The following CLSTN2 variants were observed in gnomAD, a reference collection of about 807,000 sequenced individuals.
CLSTN2 encodes calsyntenin 2.
Under a neutral mutation model 101.2 loss-of-function variants are expected in CLSTN2, and 48 were observed. The ratio of observed to expected loss-of-function variants is 0.47; its 90% CI spans 0.38 to 0.60. The LOEUF is 0.60. Ranked by LOEUF, CLSTN2 falls within the 20% of genes least tolerant of loss-of-function variation. The pLI is 0.00. For synonymous variants in CLSTN2, 481 were observed against 463.6 expected (o/e 1.04, Z -0.48); for missense variants, 1,160 against 1,238.2 (o/e 0.94, Z 0.95).
At chr3:140,147,255 AC>A (rs1306480959) in intron 1 of CLSTN2, among the ~76,000 whole-genome samples, 1 of 152,202 alleles carries the variant, frequency 6.6e-6, no homozygotes, top group Non-Finnish European at 1.5e-5. Context: ...GACTGGAAGA[AC>A]CCCTGAGGTT....
intron 2 of CLSTN2, among the ~76,000 whole-genome samples, chr3:140,356,845 G>A (rs2087676817): frequency 6.6e-6 from 1 of 151,704 alleles, no homozygotes; most frequent in Admixed American, 6.6e-5. Flanking sequence ...ACAATGAAAA[G>A]GGGAAAGATA....
chr3:140,343,006 C>A (rs1446917946), intron 2 of CLSTN2, among the ~76,000 whole-genome samples: 3 of 152,160 alleles, frequency 2.0e-5, no homozygotes, highest in Non-Finnish European at 2.9e-5. Flanking sequence ...TGGTCACAAG[C>A]CCTCCCAGAC....
At chr3:140,448,045 TA>T (rs892797594) in intron 5 of CLSTN2, among the ~76,000 whole-genome samples, 1 of 151,966 alleles carries the variant, frequency 6.6e-6, no homozygotes, top group Non-Finnish European at 1.5e-5. Context: ...TTTGAGATAC[TA>T]AAAAAAAGGT....
intron 1 of CLSTN2, among the ~76,000 whole-genome samples, chr3:140,163,948 G>A (rs919032008): frequency 2.6e-5 from 4 of 151,982 alleles, no homozygotes; most frequent in Admixed American, 1.3e-4. Context: ...GAATTCCAAA[G>A]TAAGTTAAGG....
chr3:140,374,766 T>G (rs1290870483), intron 2 of CLSTN2, among the ~76,000 whole-genome samples: 1 of 152,244 alleles, frequency 6.6e-6, no homozygotes, highest in Non-Finnish European at 1.5e-5. Context: ...CTGAGCCTAC[T>G]GAGAGCTTCC....
chr3:140,230,583 T>A (rs865926364), intron 2 of CLSTN2, among the ~76,000 whole-genome samples: 4 of 152,192 alleles, frequency 2.6e-5, no homozygotes, highest in African/African-American at 9.6e-5. Flanking sequence ...ACTCCCATCC[T>A]TTCCACCTTG....
At chr3:139,973,683 G>C (rs1935761051) in intron 1 of CLSTN2, among the ~76,000 whole-genome samples, 1 of 151,934 alleles carries the variant, frequency 6.6e-6, no homozygotes, top group Non-Finnish European at 1.5e-5. Context: ...CTGTCACCCA[G>C]GCCAGAGTAC....
At chr3:140,283,404 C>T (rs1031392421) in intron 2 of CLSTN2, among the ~76,000 whole-genome samples, 57 of 152,148 alleles carry the variant, frequency 3.7e-4, no homozygotes, top group African/African-American at 1.4e-3. Context: ...CGTTTGTGCA[C>T]CAGAATATAG....
intron 1 of CLSTN2, among the ~76,000 whole-genome samples, chr3:140,088,638 T>C (rs1245880848): frequency 6.6e-6 from 1 of 152,076 alleles, no homozygotes; most frequent in Non-Finnish European, 1.5e-5. Context: ...CTCCTATGAC[T>C]CTCCCCACCC....
In CLSTN2 at chr3:140,230,743, T is replaced by C. The variant is rs149304784; in HGVS notation, c.232+54670T>C. ...TTTATAAGCCACCCAGTTCATGGTA[T>C]TTTGTTATACCAGCCTGAACCAACT... On this transcript the variant is annotated intron_variant, in intron 2 of 16. Coordinates refer to ENST00000458420, the MANE Select transcript of CLSTN2 (RefSeq NM_022131.3). 4.5e-3 allele frequency among the ~76,000 whole-genome samples: 685 copies of C among 152,324 alleles called. 4 individuals carry two copies. The highest frequency in any genetic ancestry group is 0.015 in the African/African-American group (630 of 41,562).
intron 1 of CLSTN2, among the ~76,000 whole-genome samples, chr3:139,962,340 T>C (rs1445588012): frequency 6.6e-6 from 1 of 152,132 alleles, no homozygotes; most frequent in African/African-American, 2.4e-5. Flanking sequence ...TTGACGTATG[T>C]ATATACCCAT....
At chr3:140,409,338 C>A (rs1349038787) in intron 4 of CLSTN2, among the ~76,000 whole-genome samples, 1 of 152,198 alleles carries the variant, frequency 6.6e-6, no homozygotes, top group Non-Finnish European at 1.5e-5. Flanking sequence ...ACTGAGTATA[C>A]CTACAGTCCT....
intron 1 of CLSTN2, among the ~76,000 whole-genome samples, chr3:140,078,032 G>T (rs2008521725): frequency 6.6e-6 from 1 of 152,156 alleles, no homozygotes; most frequent in Non-Finnish European, 1.5e-5. Context: ...TGAATTTTGG[G>T]TAACACGGTG....
intron 1 of CLSTN2, among the ~76,000 whole-genome samples, chr3:140,158,225 G>A (rs1308557584): frequency 6.6e-6 from 1 of 152,104 alleles, no homozygotes; most frequent in Non-Finnish European, 1.5e-5. Context: ...GCAAGAGAAA[G>A]AAATAAAAGG....
chr3:140,431,863 G>A (rs1039224192), intron 5 of CLSTN2, among the ~76,000 whole-genome samples: 16 of 152,162 alleles, frequency 1.1e-4, no homozygotes, highest in African/African-American at 3.6e-4. Flanking sequence ...TGTAAATTAA[G>A]AATCATAATC....
chr3:140,316,307 A>G (rs1368631055), intron 2 of CLSTN2, among the ~76,000 whole-genome samples: 1 of 152,208 alleles, frequency 6.6e-6, no homozygotes, highest in Non-Finnish European at 1.5e-5. Context: ...GAGGGGAAGC[A>G]AGATCATGCC....
intron 2 of CLSTN2, among the ~76,000 whole-genome samples, chr3:140,363,661 C>G (rs2087754209): frequency 6.6e-6 from 1 of 152,130 alleles, no homozygotes; most frequent in Non-Finnish European, 1.5e-5. Flanking sequence ...CACATTCCAC[C>G]CAAGCCGGGT....
chr3:140,052,458 T>C (rs1237405753), intron 1 of CLSTN2, among the ~76,000 whole-genome samples: 5 of 152,130 alleles, frequency 3.3e-5, no homozygotes, highest in Non-Finnish European at 1.5e-5. Flanking sequence ...ACCTGGCCAA[T>C]ATTTCTGTTA....
At chr3:140,100,778 G>T (rs1444523956) in intron 1 of CLSTN2, among the ~76,000 whole-genome samples, 1 of 152,206 alleles carries the variant, frequency 6.6e-6, no homozygotes, top group Non-Finnish European at 1.5e-5. Context: ...CGCATCATCA[G>T]CCAGAAGGCT....
Sources: allele counts gnomAD v4.1 joint callset (sites outside exome capture counted in the v4.1 genomes callset), GRCh38; gene constraint gnomAD v4.1.1; transcripts MANE v1.5; gene names NCBI Gene and HGNC (gene_info 2026-07-23, HGNC 2026-07-21).